The following MLLT11 variants were observed in gnomAD, a reference collection of about 807,000 sequenced individuals.
The protein encoded by MLLT11 is MLLT11 transcription factor 7 cofactor, also known as protein AF1q.
A neutral mutation model predicts 5.3 loss-of-function variants in MLLT11; 1 was observed. The observed-to-expected ratio is 0.19, with a 90% CI of 0.07 to 0.89. The LOEUF (loss-of-function observed/expected upper bound fraction) is 0.89. Ranked by LOEUF, MLLT11 falls within the 40% of genes least tolerant of loss-of-function variation. MLLT11 has a pLI of 0.67. For synonymous variants in MLLT11, 38 were observed against 41.7 expected, an observed-to-expected ratio of 0.91 and a Z score of 0.34; for missense variants, 87 against 107.3, an observed-to-expected ratio of 0.81 and a Z score of 0.83.
chr1:151,068,344 T>C lies in MLLT11; in HGVS notation c.*847T>C, dbSNP rs2102981709. ...CTCCTGCATTTGCAATACGTAATAC[T>C]GATCAGTGGGCACAGTTCTTCAGCT... On this transcript the variant is annotated 3_prime_UTR_variant, in exon 2 of 2. Coordinates refer to ENST00000368921, the MANE Select transcript of MLLT11 (RefSeq NM_006818.4). 4.4e-6 allele frequency: 1 copy of C among 226,360 alleles called. No individual in the cohort carries two copies. The highest frequency in any genetic ancestry group is 7.1e-5 in the East Asian group (1 of 14,046). The allele number at this position is 226,360 out of a possible 1,614,324, so 14.0% of individuals were successfully genotyped here.
chr1:151,064,258 A>G (rs1676445926), intron 1 of MLLT11, among the ~76,000 whole-genome samples: 1 of 152,108 alleles, frequency 6.6e-6, no homozygotes, highest in African/African-American at 2.4e-5. Context: ...TCACCTCCTG[A>G]TCTGCCTGCC....
At chr1:151,066,444 C>T (rs6674232) in intron 1 of MLLT11, among the ~76,000 whole-genome samples, 143,603 of 152,218 alleles carry the variant, frequency 0.94, 67,755 homozygotes, top group East Asian at 0.97. Context: ...GGCTGAAATG[C>T]GGAAAGTATT....
chr1:151,067,751 A>C lies in MLLT11; in HGVS notation c.*254A>C. 1.9e-6 allele frequency: 1 copy of C among 534,386 alleles called. No individual in the cohort carries two copies. The allele number at this position is 534,386 out of a possible 1,614,324, so 33.1% of individuals were successfully genotyped here. A position where few individuals can be genotyped will look rare whatever the true frequency, so the allele number is the denominator to read the frequency against. On this transcript the variant is annotated 3_prime_UTR_variant, in exon 2 of 2. Coordinates refer to ENST00000368921, the MANE Select transcript of MLLT11 (RefSeq NM_006818.4). ...CACAGGGATTCCTCCTTTCCCCCCC[A>C]AATATTAACTCCAGAAACTAGGCCT... is the stretch of plus-strand genomic sequence containing the variant.
intron 1 of MLLT11, among the ~76,000 whole-genome samples, chr1:151,065,256 T>C (rs143967122): frequency 1.2e-4 from 19 of 152,314 alleles, no homozygotes; most frequent in Non-Finnish European, 2.9e-5. Flanking sequence ...TGGTACCCTG[T>C]GTACATGTCT....
In MLLT11 at chr1:151,068,470, T is replaced by C. The variant is rs1676505524; in HGVS notation, c.*973T>C. 1 of 218,550 alleles carries C rather than the reference T, an allele frequency of 4.6e-6. No homozygotes were observed. The highest frequency in any genetic ancestry group is 6.0e-5 in the Admixed American group (1 of 16,738). 13.5% of individuals were successfully genotyped at this position (218,550 alleles called of 1,614,324 possible). On this transcript the variant is annotated 3_prime_UTR_variant, in exon 2 of 2. Coordinates refer to ENST00000368921, the MANE Select transcript of MLLT11 (RefSeq NM_006818.4). ...TGATTTGTGCTACCATTTACTCGTTTATTTAATAAAGACATTCAATCCCAG... is the reference window on the plus strand; with the variant it reads ...TGATTTGTGCTACCATTTACTCGTTCATTTAATAAAGACATTCAATCCCAG...
At chr1:151,067,033 T>C (rs761420446) in intron 1 of MLLT11, 186 bp from the exon 2 acceptor site, 4 of 494,624 alleles carry the variant, frequency 8.1e-6, no homozygotes, top group South Asian at 7.7e-5. Flanking sequence ...GTGAGTTTCT[T>C]TTTTTTCCTC....
At chr1:151,063,408 T>C (rs1204518980) in intron 1 of MLLT11, among the ~76,000 whole-genome samples, 2 of 152,022 alleles carry the variant, frequency 1.3e-5, no homozygotes, top group Non-Finnish European at 2.9e-5. Flanking sequence ...TAATGCTTCT[T>C]TTTTTAATTT....
chr1:151,069,153 T>A lies in MLLT11; in HGVS notation c.*1656T>A, dbSNP rs1201705163. ...TTATCTGCTTAACTTCTGGTTTTTG[T>A]GTGCCTGCTATAGGAAAGCACTGAG... is the stretch of plus-strand genomic sequence containing the variant. On this transcript the variant is annotated 3_prime_UTR_variant, in exon 2 of 2. Coordinates refer to ENST00000368921, the MANE Select transcript of MLLT11 (RefSeq NM_006818.4). 6.6e-6 allele frequency among the ~76,000 whole-genome samples: 1 copy of A among 152,202 alleles called. No individual in the cohort carries two copies. The highest frequency in any genetic ancestry group is 1.5e-5 in the Non-Finnish European group (1 of 68,038).
chr1:151,066,816 T>A (rs1676481272), intron 1 of MLLT11, among the ~76,000 whole-genome samples: 1 of 151,612 alleles, frequency 6.6e-6, no homozygotes, highest in South Asian at 2.1e-4. Context: ...TCCCAGATAC[T>A]CGGGAGGCTG....
chr1:151,067,360 G>T lies in MLLT11; in HGVS notation c.136G>T (p.Gly46Cys). ...ATYKVKDSSV[G>C]KMIGQATAAD... The stretch of plus-strand genomic sequence containing the variant: ...CTACAAGGTCAAAGACAGCAGCGTT[G>T]GCAAAATGATCGGGCAAGCAACTGC... The change falls in exon 2 of 2, where the codon GGC (glycine) becomes TGC (cysteine). Residue 46 changes from glycine to cysteine, a missense_variant. Transcript: ENST00000368921. The T allele has an allele frequency of 6.2e-7, 1 of 1,614,146 alleles. No homozygotes were observed. The highest frequency in any genetic ancestry group is 2.2e-5 in the East Asian group (1 of 44,882).
At chr1:151,061,317 A>G (rs1410957640) in intron 1 of MLLT11, among the ~76,000 whole-genome samples, 1 of 152,118 alleles carries the variant, frequency 6.6e-6, no homozygotes, top group Non-Finnish European at 1.5e-5. Context: ...CCCCTTCCCC[A>G]TGGTGGCAGC....
intron 1 of MLLT11, among the ~76,000 whole-genome samples, chr1:151,061,051 T>C (rs1320916288): frequency 6.6e-6 from 1 of 152,184 alleles, no homozygotes; most frequent in East Asian, 1.9e-4. Context: ...CCTCGAATCT[T>C]TGCTCCAAAG....
Position 151,067,448 on chromosome 1 carries a change from G to A in MLLT11, c.224G>A (p.Trp75Ter). 6.2e-7 allele frequency: 1 copy of A among 1,614,092 alleles called. No individual in the cohort carries two copies. Among genetic ancestry groups the A allele is most frequent in the Non-Finnish European group, 8.5e-7 (1 of 1,180,030 alleles). ...CTTGAGTACAGCACCTTCAACTTCT[G>A]GAGAGCTCCCATTGCCAGCATCCAC... Reference protein sequence around the residue: ...GLLEYSTFNFWRAPIASIHSF... With the variant: ...GLLEYSTFNF Residue 75 changes from tryptophan to a stop codon, truncating the protein, a stop_gained, in exon 2 of 2, where the codon TGG (tryptophan) becomes TAG (stop). Transcript: ENST00000368921. LOFTEE classifies it high-confidence loss of function.
intron 1 of MLLT11, among the ~76,000 whole-genome samples, chr1:151,062,819 T>C (rs1052395491): frequency 2.6e-5 from 4 of 152,204 alleles, no homozygotes; most frequent in Admixed American, 1.3e-4. Context: ...CATAACAGTA[T>C]TGACTCCTAG....
In MLLT11 at chr1:151,067,451, G is replaced by A. The variant is rs1355210773; in HGVS notation, c.227G>A (p.Arg76Lys). The stretch of plus-strand genomic sequence containing the variant: ...GAGTACAGCACCTTCAACTTCTGGA[G>A]AGCTCCCATTGCCAGCATCCACTCC... Reference protein sequence around the residue: ...LLEYSTFNFWRAPIASIHSFE... With the variant: ...LLEYSTFNFWKAPIASIHSFE... Residue 76 changes from arginine (R) to lysine (K), a missense_variant, in exon 2 of 2, where the codon AGA becomes AAA. By Grantham distance (26) the Arg-to-Lys change is conservative (BLOSUM62 2). Coordinates refer to ENST00000368921, the MANE Select transcript of MLLT11 (RefSeq NM_006818.4). 2 of 1,614,010 alleles carry A rather than the reference G, an allele frequency of 1.2e-6. No homozygotes were observed. The highest frequency in any genetic ancestry group is 1.1e-5 in the South Asian group (1 of 91,086).
chr1:151,066,704 C>G (rs1256927242), intron 1 of MLLT11, among the ~76,000 whole-genome samples: 3 of 151,966 alleles, frequency 2.0e-5, no homozygotes, highest in African/African-American at 7.3e-5. Flanking sequence ...GCAGGCAGAT[C>G]ACGAGGTCAG....
chr1:151,065,759 T>C (rs959222357), intron 1 of MLLT11, among the ~76,000 whole-genome samples: 7 of 152,204 alleles, frequency 4.6e-5, no homozygotes, highest in Non-Finnish European at 1.0e-4. Context: ...CAGGAGGAAG[T>C]CAAGTATTTT....
Position 151,067,658 on chromosome 1 carries a change from G to C in MLLT11, c.*161G>C. On this transcript the variant is annotated 3_prime_UTR_variant, in exon 2 of 2. Coordinates refer to ENST00000368921, the MANE Select transcript of MLLT11 (RefSeq NM_006818.4). ...GTTCTATGTATTTATTTATCTATCT[G>C]TCTACTCCATTTCTCTCAAAAGCCC... 2.5e-6 allele frequency: 2 copies of C among 809,946 alleles called. No individual in the cohort carries two copies. The highest frequency in any genetic ancestry group is 2.0e-6 in the Non-Finnish European group (1 of 506,490). The allele number at this position is 809,946 out of a possible 1,614,324, so 50.2% of individuals were successfully genotyped here.
In MLLT11 at chr1:151,069,426, T is replaced by C. The variant is rs1323536846; in HGVS notation, c.*1929T>C. ...GAAGAATGGGGCCAGGAAGGATAAGTAGTGCGTCCTTTTCTATTTTTACTG... is the reference window on the plus strand; with the variant it reads ...GAAGAATGGGGCCAGGAAGGATAAGCAGTGCGTCCTTTTCTATTTTTACTG... On this transcript the variant is annotated 3_prime_UTR_variant, in exon 2 of 2. Coordinates refer to ENST00000368921, the MANE Select transcript of MLLT11 (RefSeq NM_006818.4). Among the ~76,000 whole-genome samples, 1 of 152,140 alleles carries C rather than the reference T, an allele frequency of 6.6e-6. No individual in the cohort carries two copies. The highest frequency in any genetic ancestry group is 2.4e-5 in the African/African-American group (1 of 41,446).
Sources: allele counts gnomAD v4.1 joint callset (sites outside exome capture counted in the v4.1 genomes callset), GRCh38; gene constraint gnomAD v4.1.1; transcripts MANE v1.5; gene names NCBI Gene and HGNC (gene_info 2026-07-23, HGNC 2026-07-21).